CLSTN2: variants seen among roughly 807,000 people sequenced by gnomAD.
The protein encoded by CLSTN2 is calsyntenin-2.
A neutral mutation model predicts 101.2 loss-of-function variants in CLSTN2; 48 were observed. The observed-to-expected ratio is 0.47, with a 90% CI of 0.38 to 0.60. The LOEUF is 0.60. Ranked by LOEUF, CLSTN2 falls within the 20% of genes least tolerant of loss-of-function variation. CLSTN2 has a pLI of 0.00. For synonymous variants in CLSTN2, 481 were observed against 463.6 expected, an observed-to-expected ratio of 1.04 and a Z score of -0.48; for missense variants, 1,160 against 1,238.2, an observed-to-expected ratio of 0.94 and a Z score of 0.95.
intron 8 of CLSTN2, among the ~76,000 whole-genome samples, chr3:140,503,491 G>A (rs913519127): frequency 5.9e-5 from 9 of 152,276 alleles, no homozygotes; most frequent in South Asian, 4.2e-4. Flanking sequence ...GGGCTATGCC[G>A]TCTAGGTTTG....
At chr3:140,205,513 G>A (rs1309642428) in intron 2 of CLSTN2, among the ~76,000 whole-genome samples, 1 of 152,154 alleles carries the variant, frequency 6.6e-6, no homozygotes, top group African/African-American at 2.4e-5. Context: ...GTGGGAATAT[G>A]GGAGGGAGAT....
At chr3:140,339,657 A>G (rs544898807) in intron 2 of CLSTN2, among the ~76,000 whole-genome samples, 1 of 152,302 alleles carries the variant, frequency 6.6e-6, no homozygotes, top group African/African-American at 2.4e-5. Context: ...AGAGGCTTAG[A>G]TGTTGTGTCC....
chr3:140,312,609 A>G (rs1048046428), intron 2 of CLSTN2, among the ~76,000 whole-genome samples: 1 of 152,240 alleles, frequency 6.6e-6, no homozygotes, highest in Non-Finnish European at 1.5e-5. Flanking sequence ...CAGAAGCTGG[A>G]CACCTCTGGG....
chr3:140,388,262 A>T (rs2088075445), intron 2 of CLSTN2, among the ~76,000 whole-genome samples: 1 of 152,270 alleles, frequency 6.6e-6, no homozygotes, highest in South Asian at 2.1e-4. Context: ...AATAATGAAA[A>T]TGAGCAAGTT....
intron 1 of CLSTN2, among the ~76,000 whole-genome samples, chr3:140,020,850 G>A (rs540121398): frequency 7.9e-5 from 12 of 152,286 alleles, no homozygotes; most frequent in Non-Finnish European, 1.6e-4. Flanking sequence ...ATCATTGCAC[G>A]ACATAGACTC....
At chr3:140,350,350 C>T (rs539550103) in intron 2 of CLSTN2, among the ~76,000 whole-genome samples, 79 of 152,272 alleles carry the variant, frequency 5.2e-4, no homozygotes, top group African/African-American at 1.9e-3. Context: ...AACTAAAAAG[C>T]GAGCTACAGA....
chr3:140,542,844 G>GTT (rs1329157812), intron 9 of CLSTN2, among the ~76,000 whole-genome samples: 1 of 152,184 alleles, frequency 6.6e-6, no homozygotes, highest in East Asian at 1.9e-4. Flanking sequence ...AGGGTTAGAA[G>GTT]ATAGATCCTA....
intron 2 of CLSTN2, among the ~76,000 whole-genome samples, chr3:140,353,164 CTG>C (rs1368372587): frequency 2.0e-5 from 3 of 151,074 alleles, no homozygotes; most frequent in African/African-American, 7.3e-5. Context: ...ACTTGAGCAA[CTG>C]TGAATTTTGG....
At chr3:140,308,627 C>T (rs2087136375) in intron 2 of CLSTN2, among the ~76,000 whole-genome samples, 1 of 152,210 alleles carries the variant, frequency 6.6e-6, no homozygotes, top group African/African-American at 2.4e-5. Context: ...CCCAAGAGAA[C>T]TGGTGAATTT....
At chr3:140,148,546 T>C (rs1463446479) in intron 1 of CLSTN2, among the ~76,000 whole-genome samples, 1 of 152,220 alleles carries the variant, frequency 6.6e-6, no homozygotes, top group Non-Finnish European at 1.5e-5. Flanking sequence ...ATGCAAGTAA[T>C]AGTCCATATC....
chr3:140,508,391 G>A (rs909819786), intron 8 of CLSTN2: 1 of 152,108 alleles, frequency 6.6e-6, no homozygotes, highest in African/African-American at 2.4e-5. Context: ...GCAATCATTT[G>A]TTCATTCATT....
intron 5 of CLSTN2, among the ~76,000 whole-genome samples, chr3:140,443,583 A>G (rs972718828): frequency 2.5e-4 from 38 of 152,382 alleles, no homozygotes; most frequent in African/African-American, 7.9e-4. Flanking sequence ...TTAAAACAGC[A>G]GGCAGGGCAG....
intron 1 of CLSTN2, among the ~76,000 whole-genome samples, chr3:140,113,443 G>A (rs776674644): frequency 1.3e-5 from 2 of 152,278 alleles, no homozygotes; most frequent in African/African-American, 2.4e-5. Flanking sequence ...ATCTCAACCC[G>A]GGGTTCTCAC....
At chr3:140,138,517 G>A (rs1208428302) in intron 1 of CLSTN2, among the ~76,000 whole-genome samples, 2 of 152,262 alleles carry the variant, frequency 1.3e-5, no homozygotes, top group East Asian at 3.9e-4. Context: ...TTAATAATGG[G>A]GCTGTGGAAA....
intron 1 of CLSTN2, among the ~76,000 whole-genome samples, chr3:139,957,505 A>G (rs75344176): frequency 7.1e-6 from 1 of 140,032 alleles, no homozygotes. Flanking sequence ...TTTTTTTTTT[A>G]TCTGAGAAGC....
intron 5 of CLSTN2, among the ~76,000 whole-genome samples, chr3:140,434,477 A>G (rs1330940505): frequency 6.6e-6 from 1 of 152,092 alleles, no homozygotes; most frequent in Non-Finnish European, 1.5e-5. Context: ...ACAGGTGAGC[A>G]CTCCATTCCA....
intron 10 of CLSTN2, among the ~76,000 whole-genome samples, chr3:140,554,315 G>T (rs149424564): frequency 1.3e-5 from 2 of 152,106 alleles, no homozygotes; most frequent in African/African-American, 4.8e-5. Context: ...TCCAACTCCT[G>T]TTTCAGTCCA....
In CLSTN2 at chr3:140,351,087, C is replaced by A. The variant is rs77517608; in HGVS notation, c.233-52542C>A. On this transcript the variant is annotated intron_variant, in intron 2 of 16. Transcript: ENST00000458420. ...AAGGACCAATAACAGGATGGAGAGA[C>A]GCCAACAGGGAAGACTTCCCAGAGT... is the stretch of plus-strand genomic sequence containing the variant. Among the ~76,000 whole-genome samples the A allele has an allele frequency of 5.3e-3, 809 of 152,220 alleles. 3 individuals carry two copies. Among genetic ancestry groups the A allele is most frequent in the African/African-American group, 0.018 (753 of 41,526 alleles).
intron 1 of CLSTN2, among the ~76,000 whole-genome samples, chr3:140,023,467 A>G (rs558137229): frequency 1.8e-4 from 27 of 152,330 alleles, no homozygotes; most frequent in Admixed American, 9.1e-4. Flanking sequence ...GAGGACTGAC[A>G]GACACACACA....
Sources: gnomAD v4.1 joint callset for allele counts (sites outside exome capture counted in the v4.1 genomes callset) on GRCh38, gnomAD v4.1.1 for gene constraint, MANE v1.5 for transcripts, NCBI Gene and HGNC (gene_info 2026-07-23, HGNC 2026-07-21) for gene names.